Variants in SCMH1 observed in about 807,000 individuals in gnomAD.
The protein encoded by SCMH1 is Scm polycomb group protein homolog 1.
SCMH1 carries 37 observed loss-of-function variants against 70.8 expected under a neutral mutation model. That is an observed-to-expected ratio of 0.52 (90% CI 0.40 to 0.69). SCMH1 has a LOEUF of 0.69. Among genes scored for constraint, SCMH1 ranks in the 30% least tolerant of loss-of-function variants. The pLI, the probability that SCMH1 is intolerant of heterozygous loss-of-function variation, is 0.00. For synonymous variants in SCMH1, 292 were observed against 307.4 expected, an observed-to-expected ratio of 0.95 and a Z score of 0.52; for missense variants, 607 against 827.3, an observed-to-expected ratio of 0.73 and a Z score of 3.27.
Position 41,066,103 on chromosome 1 carries a change from C to T in SCMH1, c.1105+4492G>A, listed in dbSNP as rs966062756. Among the ~76,000 whole-genome samples the T allele has an allele frequency of 2.6e-5, 4 of 152,154 alleles. No individual in the cohort carries two copies. In the South Asian group the frequency reaches 6.2e-4, roughly 24 times the overall value. On this transcript the variant is annotated intron_variant, in intron 10 of 14. Coordinates refer to ENST00000337495, the Ensembl canonical transcript of SCMH1. ...ATTTTCCCTAACACCTCATTCCTGG[C>T]GCTGCTAGGCCCCAGGACAGAATGC...
chr1:41,061,848 A>AT (rs1332108281), intron 10 of SCMH1, among the ~76,000 whole-genome samples: 2 of 152,088 alleles, frequency 1.3e-5, no homozygotes, highest in South Asian at 4.1e-4. Flanking sequence ...ATCTGAATAT[A>AT]TTTTTTTAAT....
rs370484824 is a variant in SCMH1 at position 41,037,378 on chromosome 1, G to A, written c.1662C>T (p.Arg554=). The A allele has an allele frequency of 9.3e-6, 15 of 1,614,052 alleles. No individual in the cohort carries two copies. In the Admixed American group the frequency reaches 1.8e-4, roughly 20 times the overall value. The change falls in exon 13 of 15, where the codon CGC becomes CGT. Residue 554 remains arginine (R), a synonymous_variant. Transcript: ENST00000337495. Reference sequence around the variant, plus strand: ...TAAGCTTACCCCTGGAGCATAGCCTGCGCACAGCTGAGGCAGTGCTTGGTG... The same window carrying A: ...TAAGCTTACCCCTGGAGCATAGCCTACGCACAGCTGAGGCAGTGCTTGGTG...
chr1:41,113,388 A>G lies in SCMH1; in HGVS notation c.640T>C (p.Trp214Arg). 6.2e-7 allele frequency: 1 copy of G among 1,614,022 alleles called. No individual in the cohort carries two copies. The highest frequency in any genetic ancestry group is 8.5e-7 in the Non-Finnish European group (1 of 1,179,966). Residue 214 changes from tryptophan to arginine, a missense_variant, in exon 8 of 15, where the codon TGG becomes CGG. This residue lies in a region of SCMH1 where 105 missense variants were observed against 214.5 expected (regional missense o/e 0.49). Transcript: ENST00000337495. The surrounding 1 kb of genome is among the most constrained non-coding windows in gnomAD (Gnocchi z 4.3). ...CACCAGTAGTCAAAGGCCCCTCGCC[A>G]CCCATCAAAAGTGACAAGCACCTCT...
At chr1:41,178,000 T>G (rs898531453) in intron 2 of SCMH1, among the ~76,000 whole-genome samples, 6 of 152,184 alleles carry the variant, frequency 3.9e-5, no homozygotes, top group African/African-American at 1.4e-4. Flanking sequence ...AAGGTTGGGT[T>G]ACCCACAAAG....
intron 13 of SCMH1, among the ~76,000 whole-genome samples, chr1:41,035,069 C>A (rs11209380): frequency 0.078 from 11,877 of 152,196 alleles, 597 homozygotes; most frequent in South Asian, 0.13. Flanking sequence ...TTTAAGCATC[C>A]CATTCTCTGA....
chr1:41,107,353 T>G (rs1668205589), intron 8 of SCMH1, among the ~76,000 whole-genome samples: 1 of 151,908 alleles, frequency 6.6e-6, no homozygotes, highest in African/African-American at 2.4e-5. Context: ...CTCCATCAAC[T>G]GAGCCAATGA....
At chr1:41,048,296 G>C (rs1430627031) in intron 11 of SCMH1, among the ~76,000 whole-genome samples, 6 of 152,214 alleles carry the variant, frequency 3.9e-5, no homozygotes, top group Non-Finnish European at 8.8e-5. Context: ...TTAGGACGAG[G>C]AAGCTAAGGA....
At chr1:41,122,575 G>T (rs1672211738) in intron 6 of SCMH1, among the ~76,000 whole-genome samples, 1 of 152,144 alleles carries the variant, frequency 6.6e-6, no homozygotes, top group East Asian at 1.9e-4. Context: ...AAGAATTGAT[G>T]AACGCTTTAT....
chr1:41,073,422 C>G (rs901747198), intron 9 of SCMH1, among the ~76,000 whole-genome samples: 2 of 152,170 alleles, frequency 1.3e-5, no homozygotes, highest in Non-Finnish European at 2.9e-5. Flanking sequence ...GCCTTGGCAT[C>G]CTTAGGGCCT....
chr1:41,129,820 C>A (rs978525049), intron 6 of SCMH1, among the ~76,000 whole-genome samples: 1 of 152,134 alleles, frequency 6.6e-6, no homozygotes, highest in Non-Finnish European at 1.5e-5. Flanking sequence ...GGGGGTCTCA[C>A]TATGTTGCCC....
chr1:41,233,070 A>G (rs1661624712), intron 1 of SCMH1, among the ~76,000 whole-genome samples: 1 of 152,210 alleles, frequency 6.6e-6, no homozygotes, highest in Non-Finnish European at 1.5e-5. Context: ...TAAATGACCT[A>G]ATAGTTACAG....
At chr1:41,238,018 T>C (rs1356046755) in intron 1 of SCMH1, among the ~76,000 whole-genome samples, 1 of 152,216 alleles carries the variant, frequency 6.6e-6, no homozygotes, top group Non-Finnish European at 1.5e-5. Flanking sequence ...TCATGTAATA[T>C]TTGTGATATC....
chr1:41,067,912 T>C (rs1274990583), intron 10 of SCMH1, among the ~76,000 whole-genome samples: 4 of 152,268 alleles, frequency 2.6e-5, no homozygotes, highest in East Asian at 3.9e-4. Flanking sequence ...AGCAAGTATA[T>C]AGGAAATCTC....
chr1:41,141,147 C>T (rs987175693), intron 6 of SCMH1, among the ~76,000 whole-genome samples: 5 of 152,128 alleles, frequency 3.3e-5, no homozygotes, highest in Non-Finnish European at 7.4e-5. Flanking sequence ...AGATGTATTC[C>T]ATTAATTTAT....
intron 1 of SCMH1, among the ~76,000 whole-genome samples, chr1:41,225,667 A>G (rs970422298): frequency 6.6e-6 from 1 of 152,232 alleles, no homozygotes; most frequent in Non-Finnish European, 1.5e-5. Context: ...CCAGAGAGGA[A>G]AGTTTAGTTA....
chr1:41,131,712 C>T (rs1441372534), intron 6 of SCMH1, among the ~76,000 whole-genome samples: 1 of 152,130 alleles, frequency 6.6e-6, no homozygotes. Context: ...CAGCCTCCCA[C>T]CCCCCAGCAG....
chr1:41,057,971 A>AAT (rs1170299005), intron 10 of SCMH1, among the ~76,000 whole-genome samples: 1 of 151,950 alleles, frequency 6.6e-6, no homozygotes, highest in African/African-American at 2.4e-5. Flanking sequence ...AATTACAAAA[A>AAT]ATTAGCCAGG....
chr1:41,081,152 C>T (rs1207285244), intron 8 of SCMH1, among the ~76,000 whole-genome samples: 2 of 152,072 alleles, frequency 1.3e-5, no homozygotes, highest in Non-Finnish European at 2.9e-5. Context: ...AATCAAATAA[C>T]ATCAAGTATT....
intron 8 of SCMH1, among the ~76,000 whole-genome samples, chr1:41,095,738 T>C (rs1664887630): frequency 1.3e-5 from 2 of 152,226 alleles, no homozygotes; most frequent in South Asian, 4.1e-4. Flanking sequence ...TATTCTTTCT[T>C]TGACACCGTC....
Sources: gnomAD v4.1 joint callset for allele counts (sites outside exome capture counted in the v4.1 genomes callset) on GRCh38, gnomAD v4.1.1 for gene constraint, gnomAD v4.1.1 regional missense constraint, Gnocchi (gnomAD v3.1) non-coding constraint, MANE v1.5 for transcripts, NCBI Gene and HGNC (gene_info 2026-07-23, HGNC 2026-07-21) for gene names.